The following ITPR1 variants were observed in gnomAD, a reference collection of about 807,000 sequenced individuals.
The protein encoded by ITPR1 is inositol 1,4,5-trisphosphate receptor type 1.
ITPR1 carries 96 observed loss-of-function variants against 318.4 expected under a neutral mutation model. The observed-to-expected ratio is 0.30, with a 90% CI of 0.26 to 0.36. ITPR1 has a LOEUF of 0.36. Ranked by LOEUF, ITPR1 falls within the 10% of genes least tolerant of loss-of-function variation. The pLI, the probability that ITPR1 is intolerant of heterozygous loss-of-function variation, is 1.00. For missense variants in ITPR1, 2,440 were observed against 3,460.2 expected (o/e 0.71, Z 7.40); for synonymous variants, 1,312 against 1,289.9 (o/e 1.02, Z -0.37).
intron 4 of ITPR1, among the ~76,000 whole-genome samples, chr3:4,575,353 G>T (rs957238567): frequency 1.3e-5 from 2 of 152,196 alleles, no homozygotes; most frequent in Non-Finnish European, 2.9e-5. Flanking sequence ...GGATTTATAT[G>T]AGGAAACCAG....
At chr3:4,672,361 C>T (rs932149676) in intron 20 of ITPR1, among the ~76,000 whole-genome samples, 1 of 152,206 alleles carries the variant, frequency 6.6e-6, no homozygotes, top group Non-Finnish European at 1.5e-5. Context: ...AGACTCATGT[C>T]TACACTTGCA....
At chr3:4,706,446 G>A (rs536332311) in intron 37 of ITPR1, 95 bp downstream of exon 37, 1 of 1,139,148 alleles carries the variant, frequency 8.8e-7, no homozygotes, top group Non-Finnish European at 1.2e-6. Context: ...CATCTAAGCT[G>A]GGCCGTGGGA....
At chr3:4,676,034 A>G (rs1397236823) in intron 23 of ITPR1, among the ~76,000 whole-genome samples, 1 of 152,158 alleles carries the variant, frequency 6.6e-6, no homozygotes, top group African/African-American at 2.4e-5. Flanking sequence ...CATAACAAGC[A>G]CATAGTTGAT....
chr3:4,584,923 G>T (rs533035522), intron 4 of ITPR1, among the ~76,000 whole-genome samples: 1 of 152,282 alleles, frequency 6.6e-6, no homozygotes, highest in East Asian at 1.9e-4. Flanking sequence ...AAATCGACTG[G>T]GTGGAGGGAG....
At chr3:4,675,879 A>G (rs1007145288) in intron 23 of ITPR1, among the ~76,000 whole-genome samples, 2 of 152,182 alleles carry the variant, frequency 1.3e-5, no homozygotes, top group African/African-American at 2.4e-5. Context: ...GTCATGTTGC[A>G]TTATACCATT....
intron 44 of ITPR1, among the ~76,000 whole-genome samples, chr3:4,739,919 G>T (rs971175454): frequency 1.3e-5 from 2 of 152,186 alleles, no homozygotes; most frequent in African/African-American, 4.8e-5. Context: ...TTGGTTCTCT[G>T]TGTGGTTTGG....
intron 24 of ITPR1, among the ~76,000 whole-genome samples, chr3:4,677,854 G>A (rs772058450): frequency 6.6e-6 from 1 of 151,960 alleles, no homozygotes; most frequent in East Asian, 1.9e-4. Flanking sequence ...GCAAGCGGGG[G>A]TGGAATCTAG....
chr3:4,800,826 T>C (rs550521144), intron 54 of ITPR1, among the ~76,000 whole-genome samples: 1 of 152,372 alleles, frequency 6.6e-6, no homozygotes, highest in East Asian at 1.9e-4. Flanking sequence ...ATCAGCACTT[T>C]CACTTTTAGG....
chr3:4,514,843 G>A (rs181334379), intron 2 of ITPR1, among the ~76,000 whole-genome samples: 2 of 152,304 alleles, frequency 1.3e-5, no homozygotes, highest in Middle Eastern at 3.4e-3. Context: ...TTTTCCATTT[G>A]TGCCGCCTTT....
At chr3:4,780,833 C>T (rs375385846) in intron 49 of ITPR1, among the ~76,000 whole-genome samples, 32 of 152,250 alleles carry the variant, frequency 2.1e-4, no homozygotes, top group African/African-American at 6.0e-4. Flanking sequence ...GGACCCCATT[C>T]GGCTTCCCAG....
chr3:4,840,156 A>C (rs2051237011), intron 61 of ITPR1, among the ~76,000 whole-genome samples: 2 of 151,226 alleles, frequency 1.3e-5, no homozygotes. Context: ...TTGAGAATCA[A>C]CTTGTTGAAT....
At position 4,844,313 on chromosome 3, in the gene ITPR1, G is replaced by T. The variant is rs964080608; in HGVS notation, c.8191-1826G>T. ...ATTTTTTTTCCCCTTTGGTAGAGAT[G>T]GGGTTTTGCTACGTTGCCCAGGCTG... On this transcript the variant is annotated intron_variant, in intron 61 of 61. Transcript: ENST00000649015. Among the ~76,000 whole-genome samples, 48 of 152,056 alleles carry T rather than the reference G, an allele frequency of 3.2e-4. 1 individual carries two copies. Among genetic ancestry groups the T allele is most frequent in the South Asian group, 1.5e-3 (7 of 4,812 alleles).
At chr3:4,803,110 G>A (rs1300043086) in intron 54 of ITPR1, among the ~76,000 whole-genome samples, 1 of 152,228 alleles carries the variant, frequency 6.6e-6, no homozygotes, top group African/African-American at 2.4e-5. Context: ...AAGCAGCAAA[G>A]TTGGAGCTGG....
intron 54 of ITPR1, among the ~76,000 whole-genome samples, chr3:4,800,885 T>G (rs1180687266): frequency 1.3e-5 from 2 of 152,158 alleles, no homozygotes; most frequent in Non-Finnish European, 2.9e-5. Context: ...TGCTTTGAGA[T>G]TTAAGTTAGT....
At chr3:4,608,724 G>A (rs1196863153) in intron 4 of ITPR1, among the ~76,000 whole-genome samples, 4 of 151,912 alleles carry the variant, frequency 2.6e-5, no homozygotes, top group Admixed American at 2.6e-4. Flanking sequence ...AGTGGTGCCC[G>A]GGCACGGTGG....
chr3:4,677,025 C>A (rs2094198899), intron 24 of ITPR1, among the ~76,000 whole-genome samples: 1 of 152,196 alleles, frequency 6.6e-6, no homozygotes, highest in African/African-American at 2.4e-5. Flanking sequence ...TCAAGACTTG[C>A]CATTGTTATC....
At chr3:4,673,612 T>C (rs1341313502) in intron 21 of ITPR1, among the ~76,000 whole-genome samples, 1 of 152,150 alleles carries the variant, frequency 6.6e-6, no homozygotes, top group African/African-American at 2.4e-5. Flanking sequence ...AGATGGAGTC[T>C]CACTCTGTTG....
In ITPR1 at chr3:4,703,901, T is replaced by C. The variant is rs115847226; in HGVS notation, c.4657+951T>C. Reference sequence around the variant, plus strand: ...TATACACGACAGGTTCATTGTGTTATATCTTAGAAACAGGGCCCTGCAATG... The same window carrying C: ...TATACACGACAGGTTCATTGTGTTACATCTTAGAAACAGGGCCCTGCAATG... On this transcript the variant is annotated intron_variant, in intron 36 of 61. Transcript: ENST00000649015. 2.2e-3 allele frequency among the ~76,000 whole-genome samples: 331 copies of C among 152,338 alleles called. 2 individuals carry two copies. The highest frequency in any genetic ancestry group is 7.7e-3 in the African/African-American group (319 of 41,576).
chr3:4,766,673 C>T lies in ITPR1; in HGVS notation c.5688C>T (p.Asp1896=), dbSNP rs367889492. ...NTSDLGNKKK[D]DEVDRDAPSR... ...GTGACTTGGGAAATAAAAAGAAAGA[C>T]GATGAGGTAGACAGGGATGCCCCAT... The change falls in exon 45 of 62, where the codon GAC becomes GAT. Residue 1896 remains aspartate (D), a synonymous_variant. Coordinates refer to ENST00000649015, the MANE Select transcript of ITPR1 (RefSeq NM_001378452.1). 3.5e-5 allele frequency: 57 copies of T among 1,612,180 alleles called. No individual in the cohort carries two copies. Among genetic ancestry groups the T allele is most frequent in the Middle Eastern group, 1.7e-4 (1 of 6,046 alleles).
Sources: gnomAD v4.1 joint callset for allele counts (sites outside exome capture counted in the v4.1 genomes callset) on GRCh38, gnomAD v4.1.1 for gene constraint, MANE v1.5 for transcripts, NCBI Gene and HGNC (gene_info 2026-07-23, HGNC 2026-07-21) for gene names.